Variants in MOCOS observed in about 807,000 individuals in gnomAD.
MOCOS encodes human molybdenum cofactor sulfurase.
In MOCOS, 86 loss-of-function variants were observed where a neutral mutation model predicts 83.6. The observed-to-expected ratio is 1.03, with a 90% CI of 0.86 to 1.23. The LOEUF (loss-of-function observed/expected upper bound fraction) is 1.23, where lower values mean the gene tolerates loss of function less well. MOCOS is among the 50% of genes most tolerant of loss of function. The pLI is 0.00. For synonymous variants in MOCOS, 445 were observed against 434.7 expected (o/e 1.02, Z -0.29); for missense variants, 1,120 against 1,126.9 (o/e 0.99, Z 0.09).
rs747106888 is a variant in MOCOS, at chr18:36,248,913, G to C, written c.1961-9G>C. ...AATGATAAATTTGTTTTTAACCTTT[G>C]TTCATTAGGGATGGAGCCTATAGAG... On this transcript the variant is annotated splice_polypyrimidine_tract_variant and intron_variant, in intron 9 of 14. Transcript: ENST00000261326. 1.4e-5 allele frequency: 23 copies of C among 1,611,924 alleles called. No individual in the cohort carries two copies. The South Asian group carries it at 1.8e-4, about 12-fold the overall frequency.
At chr18:36,189,000 G>A (rs8089727) in intron 1 of MOCOS, among the ~76,000 whole-genome samples, 1 of 151,596 alleles carries the variant, frequency 6.6e-6, no homozygotes, top group Admixed American at 6.6e-5. Context: ...AATGCCTACA[G>A]GTGCTGGGGA....
chr18:36,235,580 C>T (rs530710038), intron 9 of MOCOS, among the ~76,000 whole-genome samples: 4 of 133,144 alleles, frequency 3.0e-5, no homozygotes, highest in Admixed American at 1.6e-4. Flanking sequence ...TGAATAATGC[C>T]GCAATAAACA....
At chr18:36,252,790 G>A (rs1000654309) in intron 11 of MOCOS, among the ~76,000 whole-genome samples, 7 of 152,126 alleles carry the variant, frequency 4.6e-5, no homozygotes, top group African/African-American at 1.4e-4. Context: ...TGGGTCTAAG[G>A]CCCTGCATAG....
chr18:36,254,522 GGAGA>G (rs530067800), intron 11 of MOCOS, among the ~76,000 whole-genome samples: 114 of 142,652 alleles, frequency 8.0e-4, no homozygotes, highest in African/African-American at 2.7e-3. Flanking sequence ...AGAGCGAGAG[GGAGA>G]GAGAGAGAGA....
chr18:36,266,917 T>C, intron 14 of MOCOS, 64 bp downstream of exon 14: 2 of 1,316,816 alleles, frequency 1.5e-6, no homozygotes, highest in Non-Finnish European at 2.2e-6. Flanking sequence ...ACCAGAACTA[T>C]GTTCATAATA....
chr18:36,212,032 A>G (rs2091457537), intron 6 of MOCOS, among the ~76,000 whole-genome samples: 1 of 152,170 alleles, frequency 6.6e-6, no homozygotes, highest in Non-Finnish European at 1.5e-5. Context: ...TGGAGACGCC[A>G]AGCTCAGGAC....
At chr18:36,241,173 A>G (rs1489537198) in intron 9 of MOCOS, among the ~76,000 whole-genome samples, 2 of 152,112 alleles carry the variant, frequency 1.3e-5, no homozygotes, top group African/African-American at 4.8e-5. Context: ...AAGTCCCCAG[A>G]ATCTTAACTC....
chr18:36,237,338 A>G (rs2091563229), intron 9 of MOCOS, among the ~76,000 whole-genome samples: 1 of 151,780 alleles, frequency 6.6e-6, no homozygotes, highest in Non-Finnish European at 1.5e-5. Context: ...AGTTTTTAGC[A>G]TGAAGGTTGT....
At position 36,268,748 on chromosome 18, in the gene MOCOS, C is replaced by T. The variant is rs537320163; in HGVS notation, c.*63C>T. 5.5e-4 allele frequency: 760 copies of T among 1,386,244 alleles called. No homozygotes were observed. Among genetic ancestry groups the T allele is most frequent in the Non-Finnish European group, 7.0e-4 (685 of 978,180 alleles). 85.9% of individuals were successfully genotyped at this position (1,386,244 alleles called of 1,614,324 possible). A position where few individuals can be genotyped will look rare whatever the true frequency, so the allele number is the denominator to read the frequency against. On this transcript the variant is annotated 3_prime_UTR_variant, in exon 15 of 15. Transcript: ENST00000261326. ...TCTCTATTATTGTTAAGATCTGCAA[C>T]TTGGTTCAGTAGAACTTGATGTTTT... is the stretch of plus-strand genomic sequence containing the variant.
intron 13 of MOCOS, among the ~76,000 whole-genome samples, chr18:36,265,740 G>GAT (rs35832849): frequency 0.016 from 2,428 of 149,416 alleles, 24 homozygotes; most frequent in South Asian, 0.058. Flanking sequence ...GGTACGTATG[G>GAT]ATATATATAT....
chr18:36,205,371 A>G, intron 6 of MOCOS, 95 bp downstream of exon 6: 1 of 1,243,708 alleles, frequency 8.0e-7, no homozygotes, highest in South Asian at 1.2e-5. Context: ...ACTGTTGAAG[A>G]GGCCACCAGG....
At position 36,215,651 on chromosome 18, in the gene MOCOS, C is replaced by T. The variant is rs987461039; in HGVS notation, c.1471C>T (p.His491Tyr). The part of the protein sequence containing the change: ...FLRFIIDTRL[H>Y]SSGDWPVPQA... ...TAGGTTCATCATAGACACTCGCCTG[C>T]ACTCATCAGGGGACTGGCCTGTCCC... is the stretch of plus-strand genomic sequence containing the variant. Residue 491 changes from histidine to tyrosine, a missense_variant, in exon 8 of 15, where the codon CAC (histidine) becomes TAC (tyrosine). By Grantham distance (83) the His-to-Tyr change is moderately conservative. Transcript: ENST00000261326. 1 of 1,614,150 alleles carries T rather than the reference C, an allele frequency of 6.2e-7. No homozygotes were observed. The highest frequency in any genetic ancestry group is 1.7e-5 in the Admixed American group (1 of 60,016).
intron 10 of MOCOS, among the ~76,000 whole-genome samples, chr18:36,249,846 T>A (rs908054126): frequency 3.3e-5 from 5 of 152,186 alleles, no homozygotes; most frequent in African/African-American, 1.2e-4. Flanking sequence ...TTCTAAAACC[T>A]AGCTTTCAGG....
intron 6 of MOCOS, among the ~76,000 whole-genome samples, chr18:36,211,959 C>T (rs549886818): frequency 1.3e-5 from 2 of 152,310 alleles, no homozygotes; most frequent in South Asian, 4.1e-4. Flanking sequence ...CCTGGAGTTA[C>T]GCTGTCAGCT....
chr18:36,194,947 A>G (rs890051191), intron 1 of MOCOS, among the ~76,000 whole-genome samples: 9 of 152,192 alleles, frequency 5.9e-5, no homozygotes, highest in African/African-American at 2.2e-4. Flanking sequence ...TGACAATGTG[A>G]AACAGCTTTG....
intron 9 of MOCOS, among the ~76,000 whole-genome samples, chr18:36,220,835 A>G (rs963654430): frequency 6.6e-6 from 1 of 152,060 alleles, no homozygotes; most frequent in Non-Finnish European, 1.5e-5. Context: ...AGGCTGAGGC[A>G]GGAGTATCGC....
rs1047206118 is a variant in MOCOS, at chr18:36,239,982, C to T, written c.1961-8940C>T. On this transcript the variant is annotated intron_variant, in intron 9 of 14. Transcript: ENST00000261326. ...AGTTCTCGAGCCTTGGTTTTCAGCT[C>T]CATCAGCTCCTTTAAGCACTTCTCT... 3.1e-4 allele frequency among the ~76,000 whole-genome samples: 45 copies of T among 145,362 alleles called. 1 individual carries two copies. Among genetic ancestry groups the T allele is most frequent in the Admixed American group, 1.7e-3 (24 of 14,388 alleles).
At position 36,200,336 on chromosome 18, in the gene MOCOS, A is replaced by G; in HGVS notation, c.941+12A>G. On this transcript the variant is annotated intron_variant, in intron 4 of 14. Transcript: ENST00000261326. ...TCGGTAGCTCAGAGGTAACCTTGCC[A>G]CAGGGGAGGGGTCAGAGGAGTTCAG... 1 of 1,613,788 alleles carries G rather than the reference A, an allele frequency of 6.2e-7. No individual in the cohort carries two copies. The highest frequency in any genetic ancestry group is 1.3e-5 in the African/African-American group (1 of 75,056).
In MOCOS at chr18:36,191,141, C is replaced by T. The variant is rs114349758; in HGVS notation, c.142+3460C>T. Among the ~76,000 whole-genome samples the T allele has an allele frequency of 2.7e-3, 408 of 152,148 alleles. 3 individuals carry two copies. The highest frequency in any genetic ancestry group is 9.5e-3 in the African/African-American group (394 of 41,508). On this transcript the variant is annotated intron_variant, in intron 1 of 14. Coordinates refer to ENST00000261326, the MANE Select transcript of MOCOS (RefSeq NM_017947.4). ...ATGAAGATGTGCTTGCTTCGCTTTC[C>T]ACCAAGATTGTAAAGTTTCCTGAGG... is the stretch of plus-strand genomic sequence containing the variant.
Sources: gnomAD v4.1 joint callset for allele counts (sites outside exome capture counted in the v4.1 genomes callset) on GRCh38, gnomAD v4.1.1 for gene constraint, MANE v1.5 for transcripts, NCBI Gene and HGNC (gene_info 2026-07-23, HGNC 2026-07-21) for gene names.